The following CNTN5 variants were observed in gnomAD, a reference collection of about 807,000 sequenced individuals.
CNTN5 encodes contactin-5.
A neutral mutation model predicts 129.1 loss-of-function variants in CNTN5; 77 were observed. That is an observed-to-expected ratio of 0.60 (90% CI 0.50 to 0.72). CNTN5 has a LOEUF of 0.72. Among genes scored for constraint, CNTN5 ranks in the 30% least tolerant of loss-of-function variants. CNTN5 has a pLI of 0.00. For missense variants in CNTN5, 1,478 were observed against 1,328.8 expected, an observed-to-expected ratio of 1.11 and a Z score of -1.75; for synonymous variants, 509 against 465.6, an observed-to-expected ratio of 1.09 and a Z score of -1.20.
chr11:100,244,172 G>A (rs774323627), intron 16 of CNTN5, among the ~76,000 whole-genome samples: 18 of 152,020 alleles, frequency 1.2e-4, no homozygotes, highest in Non-Finnish European at 2.1e-4. Flanking sequence ...ATGGACTCTT[G>A]GTTCTCTGAT....
intron 13 of CNTN5, among the ~76,000 whole-genome samples, chr11:100,089,690 A>G (rs1944681224): frequency 6.6e-6 from 1 of 152,188 alleles, no homozygotes. Flanking sequence ...CATGGTACAT[A>G]TACGTCATGG....
At chr11:100,034,996 G>C (rs1272718474) in intron 9 of CNTN5, among the ~76,000 whole-genome samples, 2 of 151,966 alleles carry the variant, frequency 1.3e-5, no homozygotes, top group East Asian at 1.9e-4. Context: ...TATACTTTAA[G>C]TTTTAGGGTA....
chr11:100,077,933 A>T (rs919050115), intron 13 of CNTN5, among the ~76,000 whole-genome samples: 6 of 152,184 alleles, frequency 3.9e-5, no homozygotes, highest in Non-Finnish European at 8.8e-5. Flanking sequence ...GCAATGGCAT[A>T]AAAATGTAAT....
intron 1 of CNTN5, among the ~76,000 whole-genome samples, chr11:99,061,660 T>G (rs1234665271): frequency 6.6e-6 from 1 of 152,066 alleles, no homozygotes; most frequent in East Asian, 1.9e-4. Flanking sequence ...GTGAGGACAA[T>G]TTTCAGTTGG....
chr11:99,408,444 GAAAGAGAAAGAAA>G (rs1942207512), intron 2 of CNTN5, among the ~76,000 whole-genome samples: 1 of 49,898 alleles, frequency 2.0e-5, no homozygotes, highest in African/African-American at 1.0e-4. Context: ...AAGAAAGAAA[GAAAGAGAAAGAAA>G]GAAAGAAAGA....
chr11:100,058,245 C>T (rs1202244944), intron 9 of CNTN5, among the ~76,000 whole-genome samples: 1 of 152,088 alleles, frequency 6.6e-6, no homozygotes, highest in Non-Finnish European at 1.5e-5. Context: ...AAACTAACTC[C>T]ACTGACGGTG....
chr11:100,125,670 G>T (rs949863423), intron 13 of CNTN5, among the ~76,000 whole-genome samples: 3 of 151,950 alleles, frequency 2.0e-5, no homozygotes, highest in Non-Finnish European at 4.4e-5. Context: ...TTTTCTTTTG[G>T]ATATATACCC....
intron 13 of CNTN5, among the ~76,000 whole-genome samples, chr11:100,111,357 G>A (rs1209357987): frequency 6.6e-6 from 1 of 152,094 alleles, no homozygotes. Flanking sequence ...GACTGATGAG[G>A]CAACATCTCA....
chr11:99,821,637 G>C (rs566818096), intron 4 of CNTN5, among the ~76,000 whole-genome samples: 1 of 151,996 alleles, frequency 6.6e-6, no homozygotes, highest in Admixed American at 6.5e-5. Flanking sequence ...TTCAATAAAG[G>C]CAGATGAAAC....
chr11:99,467,278 G>A (rs1944982415), intron 2 of CNTN5, among the ~76,000 whole-genome samples: 1 of 152,004 alleles, frequency 6.6e-6, no homozygotes, highest in Non-Finnish European at 1.5e-5. Flanking sequence ...CTGTTAAAAT[G>A]TGATGAAAAT....
At chr11:99,981,588 T>C (rs1448633789) in intron 8 of CNTN5, among the ~76,000 whole-genome samples, 3 of 152,176 alleles carry the variant, frequency 2.0e-5, no homozygotes, top group Non-Finnish European at 4.4e-5. Flanking sequence ...TTCTTGGTAT[T>C]GCTTAACGTA....
At chr11:100,044,624 T>G (rs1431913297) in intron 9 of CNTN5, among the ~76,000 whole-genome samples, 2 of 151,770 alleles carry the variant, frequency 1.3e-5, no homozygotes, top group Non-Finnish European at 2.9e-5. Context: ...TTTTGTGTCT[T>G]TTTTTTTGAA....
At chr11:99,267,753 A>T (rs1256907432) in intron 1 of CNTN5, among the ~76,000 whole-genome samples, 1 of 152,056 alleles carries the variant, frequency 6.6e-6, no homozygotes, top group Non-Finnish European at 1.5e-5. Flanking sequence ...TTTGCTTCAT[A>T]TTCTAATGCA....
At chr11:100,258,684 C>G (rs1950130333) in intron 17 of CNTN5, among the ~76,000 whole-genome samples, 1 of 152,134 alleles carries the variant, frequency 6.6e-6, no homozygotes, top group Non-Finnish European at 1.5e-5. Context: ...AATTTCATAT[C>G]CAGCCAAACT....
chr11:100,290,249 A>G (rs1950926753), intron 18 of CNTN5, among the ~76,000 whole-genome samples: 2 of 152,072 alleles, frequency 1.3e-5, no homozygotes, highest in South Asian at 4.2e-4. Context: ...AGAATTGGAA[A>G]AAACTACTTT....
At chr11:100,025,440 A>G (rs1941369021) in intron 9 of CNTN5, among the ~76,000 whole-genome samples, 1 of 152,074 alleles carries the variant, frequency 6.6e-6, no homozygotes, top group Admixed American at 6.6e-5. Context: ...TGGGTTGGAG[A>G]CACCCCCTGC....
intron 2 of CNTN5, among the ~76,000 whole-genome samples, chr11:99,363,173 G>A (rs1394388629): frequency 2.0e-5 from 3 of 151,908 alleles, no homozygotes; most frequent in African/African-American, 7.2e-5. Context: ...ATTTACTTAT[G>A]TCACCTTTAA....
At chr11:100,246,359 T>C (rs1949840139) in intron 16 of CNTN5, among the ~76,000 whole-genome samples, 1 of 151,484 alleles carries the variant, frequency 6.6e-6, no homozygotes, top group South Asian at 2.1e-4. Flanking sequence ...CATGAAATAG[T>C]ACTGAAATAA....
intron 18 of CNTN5, among the ~76,000 whole-genome samples, chr11:100,287,758 T>C (rs1950831805): frequency 6.6e-6 from 1 of 152,024 alleles, no homozygotes; most frequent in African/African-American, 2.4e-5. Flanking sequence ...CACATAACAA[T>C]ATTAACTTTA....
Sources: allele counts gnomAD v4.1 joint callset (sites outside exome capture counted in the v4.1 genomes callset), GRCh38; gene constraint gnomAD v4.1.1; transcripts MANE v1.5; gene names NCBI Gene and HGNC (gene_info 2026-07-23, HGNC 2026-07-21).